The following DPH6 variants were observed in gnomAD, a reference collection of about 807,000 sequenced individuals.
The protein encoded by DPH6 is diphthine--ammonia ligase.
DPH6 carries 33 observed loss-of-function variants against 38.2 expected under a neutral mutation model. The ratio of observed to expected loss-of-function variants is 0.86; its 90% CI spans 0.65 to 1.15. The LOEUF (loss-of-function observed/expected upper bound fraction) is 1.15. Among genes scored for constraint, DPH6 ranks in the 50% most tolerant of loss-of-function variants. DPH6 has a pLI of 0.00. For synonymous variants in DPH6, 108 were observed against 103.0 expected (o/e 1.05, Z -0.30); for missense variants, 325 against 320.0 (o/e 1.02, Z -0.12).
At chr15:35,255,206 A>C (rs1440094027) in intron 3 of DPH6, among the ~76,000 whole-genome samples, 4 of 152,214 alleles carry the variant, frequency 2.6e-5, no homozygotes, top group African/African-American at 9.6e-5. Context: ...CAGCCGAAGA[A>C]CCATTATGAC....
chr15:35,180,976 T>A, the DPH6 span, among the ~76,000 whole-genome samples: 2 of 152,262 alleles, frequency 1.3e-5, no homozygotes, highest in East Asian at 3.9e-4. Context: ...TTTAAGCAAA[T>A]AATGAATGTA....
chr15:35,455,103 C>T (rs1025505883), intron 3 of DPH6, among the ~76,000 whole-genome samples: 1 of 152,140 alleles, frequency 6.6e-6, no homozygotes, highest in Admixed American at 6.5e-5. Flanking sequence ...ATGTTTCACA[C>T]TTAACGTATT....
chr15:35,466,955 G>C (rs950089186), intron 3 of DPH6, among the ~76,000 whole-genome samples: 2 of 152,110 alleles, frequency 1.3e-5, no homozygotes, highest in African/African-American at 4.8e-5. Flanking sequence ...GGGTGAATCA[G>C]TGAGTGAATG....
chr15:35,386,100 TG>T (rs1253589401), intron 6 of DPH6, among the ~76,000 whole-genome samples: 1 of 152,156 alleles, frequency 6.6e-6, no homozygotes, highest in East Asian at 1.9e-4. Flanking sequence ...ATATGGTGTT[TG>T]GTTTTTTGTC....
At chr15:35,233,346 C>T (rs1242957923) in intron 3 of DPH6, among the ~76,000 whole-genome samples, 1 of 152,032 alleles carries the variant, frequency 6.6e-6, no homozygotes, top group Non-Finnish European at 1.5e-5. Context: ...ACTACATGTA[C>T]AGACATAAAA....
chr15:35,498,732 G>A (rs1043102416), intron 3 of DPH6, among the ~76,000 whole-genome samples: 2 of 151,966 alleles, frequency 1.3e-5, no homozygotes, highest in African/African-American at 4.8e-5. Context: ...TCCAAATAAT[G>A]CAGCCCAAGT....
chr15:35,424,662 C>G (rs1323617350), intron 5 of DPH6, among the ~76,000 whole-genome samples: 2 of 151,602 alleles, frequency 1.3e-5, no homozygotes, highest in Admixed American at 1.3e-4. Context: ...TTTCAAAATC[C>G]TTCAATAATA....
intron 5 of DPH6, among the ~76,000 whole-genome samples, chr15:35,443,620 C>A (rs1216558383): frequency 6.6e-6 from 1 of 152,102 alleles, no homozygotes; most frequent in African/African-American, 2.4e-5. Flanking sequence ...GCTTTACTAC[C>A]CAAGAAATGT....
intron 3 of DPH6, among the ~76,000 whole-genome samples, chr15:35,308,750 C>T (rs890492026): frequency 6.6e-6 from 1 of 152,138 alleles, no homozygotes; most frequent in African/African-American, 2.4e-5. Context: ...TGTACTTCTA[C>T]ACACTAAATA....
At chr15:35,401,538 T>C in intron 6 of DPH6, 1 of 770,918 alleles carries the variant, frequency 1.3e-6, no homozygotes, top group South Asian at 1.3e-5. Flanking sequence ...GAGGCAGAGG[T>C]GGCTTTGGTG....
Position 35,442,845 on chromosome 15 carries a change from C to A in DPH6, c.505+7840G>T, listed in dbSNP as rs142836927. Among the ~76,000 whole-genome samples the A allele has an allele frequency of 4.1e-3, 626 of 152,228 alleles. 13 individuals carry two copies. The highest frequency in any genetic ancestry group is 4.9e-3 in the Non-Finnish European group (335 of 68,000). ...CTATAAAGATATGAAGACACAAAGT[C>A]CTCATGGTGCTTAAAGCTGGGAGCA... On this transcript the variant is annotated intron_variant, in intron 5 of 8. Coordinates refer to ENST00000256538, the MANE Select transcript of DPH6 (RefSeq NM_080650.4).
chr15:35,185,927 G>A, the DPH6 span, among the ~76,000 whole-genome samples: 3 of 151,520 alleles, frequency 2.0e-5, no homozygotes, highest in Non-Finnish European at 4.4e-5. Flanking sequence ...GTAGAGATGG[G>A]GCTTCACCGT....
intron 5 of DPH6, among the ~76,000 whole-genome samples, chr15:35,412,816 G>C (rs1354659365): frequency 6.6e-6 from 1 of 151,636 alleles, no homozygotes; most frequent in Admixed American, 6.6e-5. Context: ...GATTGCCAGG[G>C]GTTTTGGGTA....
chr15:35,474,005 A>T (rs896217754), intron 3 of DPH6, among the ~76,000 whole-genome samples: 1 of 151,920 alleles, frequency 6.6e-6, no homozygotes, highest in African/African-American at 2.4e-5. Context: ...TTCTAGAAGG[A>T]TACATAAGAA....
chr15:35,366,619 G>A (rs138817895), downstream of DPH6, among the ~76,000 whole-genome samples: 32 of 151,922 alleles, frequency 2.1e-4, 1 homozygote, highest in African/African-American at 6.8e-4. Context: ...TGATCAGTCT[G>A]GTGATTATAT....
chr15:35,381,391 T>A (rs1392942320), intron 7 of DPH6, among the ~76,000 whole-genome samples: 2 of 152,202 alleles, frequency 1.3e-5, no homozygotes, highest in Non-Finnish European at 2.9e-5. Flanking sequence ...GAGAAATGTT[T>A]ACATTACCAT....
intron 5 of DPH6, among the ~76,000 whole-genome samples, chr15:35,431,590 T>G (rs981113969): frequency 6.6e-6 from 1 of 152,090 alleles, no homozygotes; most frequent in South Asian, 2.1e-4. Flanking sequence ...CTAGGTATAC[T>G]TTCCTGGAAC....
chr15:35,238,572 T>A (rs1329184694), intron 3 of DPH6, among the ~76,000 whole-genome samples: 1 of 152,228 alleles, frequency 6.6e-6, no homozygotes, highest in Non-Finnish European at 1.5e-5. Context: ...GTTCTCTTTC[T>A]CTTCTTGGAA....
intron 3 of DPH6, among the ~76,000 whole-genome samples, chr15:35,349,973 A>T (rs1163247987): frequency 6.6e-6 from 1 of 152,134 alleles, no homozygotes; most frequent in Admixed American, 6.6e-5. Flanking sequence ...GGACTTCTGA[A>T]ATGAATTTGG....
Sources: allele counts gnomAD v4.1 joint callset (sites outside exome capture counted in the v4.1 genomes callset), GRCh38; gene constraint gnomAD v4.1.1; transcripts MANE v1.5; gene names NCBI Gene and HGNC (gene_info 2026-07-23, HGNC 2026-07-21).